TBXAS1: variants seen among roughly 807,000 people sequenced by gnomAD.
TBXAS1 encodes thromboxane A synthase 1.
A neutral mutation model predicts 60.7 loss-of-function variants in TBXAS1; 48 were observed. The ratio of observed to expected loss-of-function variants is 0.79; its 90% confidence interval spans 0.63 to 1.01. The LOEUF (loss-of-function observed/expected upper bound fraction) is 1.01, where lower values mean the gene tolerates loss of function less well. Among genes scored for constraint, TBXAS1 ranks in the 50% least tolerant of loss-of-function variants. The pLI, the probability that TBXAS1 is intolerant of heterozygous loss-of-function variation, is 0.00. For synonymous variants in TBXAS1, 287 were observed against 269.7 expected (o/e 1.06, Z -0.63); for missense variants, 685 against 686.3 (o/e 1.00, Z 0.02).
chr7:139,998,317 T>C (rs971652821), intron 9 of TBXAS1, among the ~76,000 whole-genome samples: 4 of 152,178 alleles, frequency 2.6e-5, no homozygotes, highest in South Asian at 2.1e-4. Flanking sequence ...TGAAAATTCA[T>C]TGAGCTCTAA....
At chr7:139,833,028 G>C (rs934781628) in intron 1 of TBXAS1, among the ~76,000 whole-genome samples, 5 of 151,810 alleles carry the variant, frequency 3.3e-5, no homozygotes, top group Non-Finnish European at 5.9e-5. Flanking sequence ...AATCACACAG[G>C]ACCCATAAAA....
At chr7:139,978,194 A>T (rs1254219571) in intron 9 of TBXAS1, among the ~76,000 whole-genome samples, 3 of 152,146 alleles carry the variant, frequency 2.0e-5, no homozygotes, top group Admixed American at 2.0e-4. Flanking sequence ...ATATCAAATA[A>T]TATTGATAAT....
intron 9 of TBXAS1, among the ~76,000 whole-genome samples, chr7:139,970,364 C>T (rs559272037): frequency 6.6e-6 from 1 of 152,338 alleles, no homozygotes; most frequent in East Asian, 1.9e-4. Flanking sequence ...GCCTCGGCCT[C>T]CCAAAGTGCT....
chr7:139,850,168 G>T (rs1287512667), intron 1 of TBXAS1, among the ~76,000 whole-genome samples: 3 of 152,084 alleles, frequency 2.0e-5, no homozygotes, highest in African/African-American at 7.2e-5. Context: ...TTGCCTCCAC[G>T]CTCCTTCTCG....
At chr7:139,952,070 A>G (rs1272662806) in intron 5 of TBXAS1, among the ~76,000 whole-genome samples, 1 of 152,186 alleles carries the variant, frequency 6.6e-6, no homozygotes, top group East Asian at 1.9e-4. Context: ...CTAGGAGAAG[A>G]TGGGGAGCAG....
intron 3 of TBXAS1, among the ~76,000 whole-genome samples, chr7:139,888,855 T>A (rs1222636060): frequency 2.6e-5 from 4 of 151,602 alleles, no homozygotes; most frequent in Non-Finnish European, 5.9e-5. Flanking sequence ...GGACTGGTGC[T>A]AAGGAGGTGG....
At chr7:139,998,875 A>G (rs1223271860) in intron 9 of TBXAS1, among the ~76,000 whole-genome samples, 1 of 152,202 alleles carries the variant, frequency 6.6e-6, no homozygotes, top group Admixed American at 6.5e-5. Context: ...GAGTACAAAA[A>G]CACCTGGAAA....
At chr7:139,886,464 T>A (rs947377617) in intron 3 of TBXAS1, among the ~76,000 whole-genome samples, 10 of 146,512 alleles carry the variant, frequency 6.8e-5, no homozygotes, top group African/African-American at 2.6e-4. Context: ...CTATGGCTGG[T>A]GAATGGCTTG....
At position 140,011,292 on chromosome 7, in the gene TBXAS1, AC is replaced by A. The variant is rs1446646857; in HGVS notation, c.1226+4111del. 6.0e-3 allele frequency among the ~76,000 whole-genome samples: 874 copies of A among 145,516 alleles called. 13 individuals carry two copies. Among genetic ancestry groups the A allele is most frequent in the African/African-American group, 0.022 (828 of 36,914 alleles). ...ACTCTGTCTCAAAAAAAACAAACAA[AC>A]AAACAAACAAAAAAAACAGTCCCCT... On this transcript the variant is annotated intron_variant, in intron 10 of 12. Transcript: ENST00000448866.
At chr7:139,905,027 C>CT (rs1283933659) in intron 3 of TBXAS1, among the ~76,000 whole-genome samples, 4 of 80,270 alleles carry the variant, frequency 5.0e-5, no homozygotes, top group African/African-American at 2.7e-4. Flanking sequence ...TTCTTTCTTT[C>CT]TTTCTTTCTT....
rs539344678 is a variant in TBXAS1, at chr7:140,017,807, C to T, written c.1501C>T (p.Arg501Trp). 86 of 1,614,054 alleles carry T rather than the reference C, an allele frequency of 5.3e-5. No homozygotes were observed. Among genetic ancestry groups the T allele is most frequent in the Admixed American group, 6.7e-5 (4 of 60,022 alleles). ...LTLLHVLHKF[R>W]FQACPETQVP... ...ACTGCTCCACGTGCTGCACAAGTTC[C>T]GGTTCCAAGCCTGCCCTGAGACCCA... Residue 501 changes from arginine to tryptophan, a missense_variant, in exon 12 of 13, where the codon CGG becomes TGG. Physicochemically the swap from Arg to Trp is moderately radical, Grantham distance 101. Transcript: ENST00000448866.
At chr7:139,805,909 A>G (rs2361698) in intron 4 of TBXAS1, among the ~76,000 whole-genome samples, 97,839 of 141,890 alleles carry the variant, frequency 0.69, 35,142 homozygotes, top group East Asian at 0.91. Context: ...ACAGGTGTGC[A>G]CCACCATGCT....
At chr7:140,003,327 C>T (rs1343502448) in intron 9 of TBXAS1, among the ~76,000 whole-genome samples, 1 of 151,996 alleles carries the variant, frequency 6.6e-6, no homozygotes, top group Non-Finnish European at 1.5e-5. Context: ...CCTCAGCCTC[C>T]AGGGTGGCTG....
At chr7:139,924,705 G>C (rs1806751317) in intron 4 of TBXAS1, among the ~76,000 whole-genome samples, 1 of 152,028 alleles carries the variant, frequency 6.6e-6, no homozygotes, top group Non-Finnish European at 1.5e-5. Context: ...CTGTGCTTGT[G>C]GGGTATTACT....
chr7:139,926,652 CT>C (rs201236274), intron 4 of TBXAS1, among the ~76,000 whole-genome samples: 2 of 150,588 alleles, frequency 1.3e-5, no homozygotes, highest in East Asian at 1.9e-4. Context: ...GATCTTTATT[CT>C]TTTTTTTTCT....
At chr7:139,888,778 A>T (rs1377553308) in intron 3 of TBXAS1, among the ~76,000 whole-genome samples, 3 of 152,170 alleles carry the variant, frequency 2.0e-5, no homozygotes, top group Non-Finnish European at 4.4e-5. Flanking sequence ...GTGTGCTAGG[A>T]AAATGTGATG....
intron 5 of TBXAS1, among the ~76,000 whole-genome samples, chr7:139,936,886 A>T (rs1266559975): frequency 6.6e-6 from 1 of 152,162 alleles, no homozygotes; most frequent in Non-Finnish European, 1.5e-5. Flanking sequence ...TCAGGCAGGG[A>T]CACCCAGGTT....
intron 9 of TBXAS1, among the ~76,000 whole-genome samples, chr7:139,977,028 T>C (rs1190616278): frequency 1.3e-5 from 2 of 151,818 alleles, no homozygotes; most frequent in Non-Finnish European, 2.9e-5. Flanking sequence ...AAAACCCAAA[T>C]CCCTGGCAAG....
At chr7:139,949,976 G>C (rs771132932) in intron 5 of TBXAS1, among the ~76,000 whole-genome samples, 10 of 151,920 alleles carry the variant, frequency 6.6e-5, no homozygotes, top group Non-Finnish European at 8.8e-5. Context: ...GGCTTAGAAG[G>C]CACACTTACT....
Sources: allele counts gnomAD v4.1 joint callset (sites outside exome capture counted in the v4.1 genomes callset), GRCh38; gene constraint gnomAD v4.1.1; transcripts MANE v1.5; gene names NCBI Gene and HGNC (gene_info 2026-07-23, HGNC 2026-07-21).